The following PSD2 variants were observed in gnomAD, a reference collection of about 807,000 sequenced individuals.
The protein encoded by PSD2 is pleckstrin and Sec7 domain containing 2.
A neutral mutation model predicts 69.8 loss-of-function variants in PSD2; 38 were observed. That is an observed-to-expected ratio of 0.54 (90% CI 0.42 to 0.71). The LOEUF (loss-of-function observed/expected upper bound fraction) is 0.71, where lower values mean the gene tolerates loss of function less well. Ranked by LOEUF, PSD2 falls within the 30% of genes least tolerant of loss-of-function variation. PSD2 has a pLI of 0.00. For missense variants in PSD2, 943 were observed against 1,014.5 expected, an observed-to-expected ratio of 0.93 and a Z score of 0.96; for synonymous variants, 412 against 423.0, an observed-to-expected ratio of 0.97 and a Z score of 0.32.
In PSD2 at chr5:139,837,708, C is replaced by G. The variant is rs1336550124; in HGVS notation, c.1749C>G (p.Ala583=). The G allele has an allele frequency of 6.2e-7, 1 of 1,613,964 alleles. No individual in the cohort carries two copies. Among genetic ancestry groups the G allele is most frequent in the African/African-American group, 1.3e-5 (1 of 74,918 alleles). The change falls in exon 12 of 15, where the codon GCC becomes GCG. Residue 583 remains alanine (A), a synonymous_variant. Transcript: ENST00000274710. This position sits in a 1 kb window ranked among gnomAD's most constrained non-coding sequence, Gnocchi z 5.0. The stretch of plus-strand genomic sequence containing the variant: ...TGCATCACGCTCTGGCCACCAGGGC[C>G]TCTGACTACAGCAAGAAGTCCAACG... The part of the protein sequence containing the change: ...IRVHHALATR[A]SDYSKKSNVL...
At chr5:139,765,215 C>G in the PSD2 span, among the ~76,000 whole-genome samples, 1 of 152,132 alleles carries the variant, frequency 6.6e-6, no homozygotes, top group Non-Finnish European at 1.5e-5. Flanking sequence ...CAGTTCTTCC[C>G]AGCACACAAT....
intron 7 of PSD2, among the ~76,000 whole-genome samples, chr5:139,829,717 T>G (rs775080731): frequency 1.3e-5 from 2 of 152,260 alleles, no homozygotes; most frequent in South Asian, 2.1e-4. Context: ...TGCCACATTT[T>G]ATTTATCTGT....
chr5:139,788,794 T>A, the PSD2 span, among the ~76,000 whole-genome samples: 1 of 152,180 alleles, frequency 6.6e-6, no homozygotes, highest in Non-Finnish European at 1.5e-5. Context: ...CCTGGCCCCA[T>A]GCTGGCCGGG....
At chr5:139,777,040 A>G in the PSD2 span, among the ~76,000 whole-genome samples, 8 of 152,330 alleles carry the variant, frequency 5.3e-5, no homozygotes, top group East Asian at 1.5e-3. Flanking sequence ...TGTGGAGCAC[A>G]GAACAAGTGA....
chr5:139,831,710 T>C (rs1211337410), intron 7 of PSD2, among the ~76,000 whole-genome samples: 2 of 152,266 alleles, frequency 1.3e-5, no homozygotes, highest in Non-Finnish European at 2.9e-5. Flanking sequence ...TCTCTCTATA[T>C]TTTATTCCCT....
Position 139,837,475 on chromosome 5 carries a change from G to A in PSD2, c.1666-150G>A, listed in dbSNP as rs894689240. The A allele has an allele frequency of 9.1e-6, 8 of 876,188 alleles. No homozygotes were observed. The African/African-American group carries it at 1.2e-4, about 13-fold the overall frequency. The allele number at this position is 876,188 out of a possible 1,614,324, so 54.3% of individuals were successfully genotyped here. A position where few individuals can be genotyped will look rare whatever the true frequency, so the allele number is the denominator to read the frequency against. ...GGCCTCTGGGACAAACTGGGGTAAG[G>A]GGAGGAGTACCTGGATTCTTGTTGG... On this transcript the variant is annotated intron_variant, in intron 11 of 14. Coordinates refer to ENST00000274710, the MANE Select transcript of PSD2 (RefSeq NM_032289.4). The surrounding 1 kb of genome is among the most constrained non-coding windows in gnomAD (Gnocchi z 5.0).
the PSD2 span, among the ~76,000 whole-genome samples, chr5:139,766,828 C>CTTCTTTCTTTCT: frequency 4.6e-3 from 406 of 87,758 alleles, 15 homozygotes; most frequent in Middle Eastern, 0.025. Context: ...AAGTCCCTTC[C>CTTCTTTCTTTCT]TTCTTTCTTT....
the PSD2 span, among the ~76,000 whole-genome samples, chr5:139,773,582 C>T: frequency 3.9e-5 from 6 of 152,144 alleles, no homozygotes; most frequent in South Asian, 1.2e-3. Context: ...TGGAATCATA[C>T]CATATTTGTC....
At chr5:139,794,838 C>T (rs555113685), upstream of PSD2, among the ~76,000 whole-genome samples, 4 of 152,280 alleles carry the variant, frequency 2.6e-5, no homozygotes, top group South Asian at 4.1e-4. Context: ...CTCTGAGAGG[C>T]GGACTCTTAC....
chr5:139,744,518 G>A, the PSD2 span, among the ~76,000 whole-genome samples: 1 of 152,170 alleles, frequency 6.6e-6, no homozygotes, highest in Non-Finnish European at 1.5e-5. Flanking sequence ...GCTGTGGCCC[G>A]GGCAGCTGTC....
chr5:139,787,210 G>A, the PSD2 span, among the ~76,000 whole-genome samples: 34 of 152,308 alleles, frequency 2.2e-4, no homozygotes, highest in African/African-American at 7.0e-4. Flanking sequence ...AGCTGTCAGC[G>A]GAGAAGGTCA....
chr5:139,811,659 A>G (rs1033209902), intron 2 of PSD2, among the ~76,000 whole-genome samples: 1 of 151,752 alleles, frequency 6.6e-6, no homozygotes, highest in African/African-American at 2.4e-5. Context: ...CTGTGGCACA[A>G]TCTCAACTCA....
chr5:139,830,025 A>T (rs1019394058), intron 7 of PSD2, among the ~76,000 whole-genome samples: 1 of 150,890 alleles, frequency 6.6e-6, no homozygotes, highest in African/African-American at 2.4e-5. Context: ...AAAAAAAAAA[A>T]GATAGCCATC....
the PSD2 span, among the ~76,000 whole-genome samples, chr5:139,773,124 G>A: frequency 2.6e-5 from 4 of 151,986 alleles, no homozygotes; most frequent in East Asian, 1.9e-4. Context: ...TTGTGCAACC[G>A]TCACCACCAT....
At chr5:139,759,335 G>T in the PSD2 span, among the ~76,000 whole-genome samples, 1 of 151,978 alleles carries the variant, frequency 6.6e-6, no homozygotes, top group East Asian at 2.0e-4. Flanking sequence ...CTTCTGCTTG[G>T]CGGCGCCTCG....
rs549095787 is a variant in PSD2, at chr5:139,821,285, G to T, written c.1098-608G>T. ...TCCTGCCTATGTGTGTATTTAGAAA[G>T]ACAACTTAGTGTCAGCAGGGAGGAG... On this transcript the variant is annotated intron_variant, in intron 5 of 14. Transcript: ENST00000274710. 7.2e-5 allele frequency among the ~76,000 whole-genome samples: 11 copies of T among 152,306 alleles called. No homozygotes were observed. In the East Asian group the frequency reaches 2.1e-3, roughly 29 times the overall value.
intron 2 of PSD2, among the ~76,000 whole-genome samples, 166 bp downstream of exon 2, chr5:139,809,977 C>G (rs1222115419): frequency 6.6e-6 from 1 of 151,820 alleles, no homozygotes; most frequent in African/African-American, 2.4e-5. Context: ...AAGGACAGAG[C>G]CTTGACGGAG....
Position 139,844,400 on chromosome 5 carries a change from T to C in PSD2, c.*1926T>C, listed in dbSNP as rs1760948870. On this transcript the variant is annotated 3_prime_UTR_variant, in exon 15 of 15. Transcript: ENST00000274710. ...CTGTACTAAAATATTATGTACATTA[T>C]AAAACATACACAAAAATAGAAATTT... The C allele has an allele frequency of 6.6e-6, 1 of 152,252 alleles. No individual in the cohort carries two copies. The allele number at this position is 152,252 out of a possible 1,614,324, so 9.4% of individuals were successfully genotyped here. A position where few individuals can be genotyped will look rare whatever the true frequency, so the allele number is the denominator to read the frequency against.
At chr5:139,745,593 A>T in the PSD2 span, among the ~76,000 whole-genome samples, 2 of 152,210 alleles carry the variant, frequency 1.3e-5, no homozygotes, top group South Asian at 2.1e-4. Flanking sequence ...CTAGCTGCCA[A>T]TGTCCTGACT....
Sources: gnomAD v4.1 joint callset for allele counts (sites outside exome capture counted in the v4.1 genomes callset) on GRCh38, gnomAD v4.1.1 for gene constraint, Gnocchi (gnomAD v3.1) non-coding constraint, MANE v1.5 for transcripts, NCBI Gene and HGNC (gene_info 2026-07-23, HGNC 2026-07-21) for gene names.